Variants in CELF2 observed in about 807,000 individuals in gnomAD.
CELF2 encodes the protein CUG triplet repeat RNA-binding protein 2.
In CELF2, 8 loss-of-function variants were observed where a neutral mutation model predicts 62.6. The observed-to-expected ratio is 0.13, with a 90% confidence interval of 0.07 to 0.23. The LOEUF (loss-of-function observed/expected upper bound fraction) is 0.23, where lower values mean the gene tolerates loss of function less well. Ranked by LOEUF, CELF2 falls within the 10% of genes least tolerant of loss-of-function variation. The probability of loss-of-function intolerance (pLI) is 1.00; values close to 1 mark genes in which losing one functional copy is unlikely to be tolerated. For missense variants in CELF2, 333 were observed against 671.0 expected (o/e 0.50, Z 5.56); for synonymous variants, 258 against 250.0 (o/e 1.03, Z -0.30).
At chr10:10,753,998 C>G in the CELF2 span, among the ~76,000 whole-genome samples, 2 of 144,788 alleles carry the variant, frequency 1.4e-5, no homozygotes, top group Non-Finnish European at 3.0e-5. Context: ...AGACATGTTT[C>G]ATAGCTCTTA....
chr10:11,242,272 T>A lies in CELF2; in HGVS notation c.355-6881T>A, dbSNP rs2074161248. On this transcript the variant is annotated intron_variant, in intron 3 of 12. Coordinates refer to ENST00000633077, the MANE Select transcript of CELF2 (RefSeq NM_001326342.2). The surrounding 1 kb of genome is among the most constrained non-coding windows in gnomAD (Gnocchi z 4.8). Reference sequence around the variant, plus strand: ...TATTGAATCTCATGTTAAAGGTGGTTAACTCATCAATTGGTGATGGCTGGG... The same window carrying A: ...TATTGAATCTCATGTTAAAGGTGGTAAACTCATCAATTGGTGATGGCTGGG... Among the ~76,000 whole-genome samples the A allele has an allele frequency of 6.6e-6, 1 of 152,210 alleles. No homozygotes were observed. The highest frequency in any genetic ancestry group is 1.5e-5 in the Non-Finnish European group (1 of 68,036).
intron 1 of CELF2, among the ~76,000 whole-genome samples, chr10:10,805,669 G>C (rs2055147969): frequency 6.6e-6 from 1 of 152,130 alleles, no homozygotes; most frequent in South Asian, 2.1e-4. Context: ...CATTTTTGTT[G>C]AGTTTGTAAG....
At position 11,156,285 on chromosome 10, in the gene CELF2, T is replaced by C. The variant is rs2064366663; in HGVS notation, c.75-9201T>C. ...GACGGGATAACATGGCTCTTAATAG[T>C]GGCGACAGATCACATGACGTGTGAT... is the stretch of plus-strand genomic sequence containing the variant. On this transcript the variant is annotated intron_variant, in intron 1 of 12. Coordinates refer to ENST00000633077, the MANE Select transcript of CELF2 (RefSeq NM_001326342.2). This position sits in a 1 kb window ranked among gnomAD's most constrained non-coding sequence, Gnocchi z 4.3. Among the ~76,000 whole-genome samples the C allele has an allele frequency of 1.3e-5, 2 of 152,136 alleles. No homozygotes were observed. The highest frequency in any genetic ancestry group is 4.8e-5 in the African/African-American group (2 of 41,418).
chr10:11,100,665 T>C (rs574555576), intron 1 of CELF2, among the ~76,000 whole-genome samples: 22 of 152,268 alleles, frequency 1.4e-4, no homozygotes, highest in Admixed American at 7.8e-4. Context: ...AGTCCATGAA[T>C]GAAATAATGT....
intron 1 of CELF2, among the ~76,000 whole-genome samples, chr10:11,152,144 G>A (rs1488931182): frequency 6.6e-6 from 1 of 152,188 alleles, no homozygotes; most frequent in Non-Finnish European, 1.5e-5. Context: ...AAGTGGATGG[G>A]AGAGGACTTG....
rs899716449 is a variant in CELF2 at position 11,165,045 on chromosome 10, CG to C, written c.75-435del. ...AAACCTCCCAAAAAGGGCGGTGGGG[CG>C]GGGGGCGGGGCAGGGAGAGGGAGAG... On this transcript the variant is annotated intron_variant, in intron 1 of 12. Transcript: ENST00000633077. This position sits in a 1 kb window ranked among gnomAD's most constrained non-coding sequence, Gnocchi z 7.4. The C allele has an allele frequency of 6.2e-6, 6 of 974,446 alleles. No individual in the cohort carries two copies. Among genetic ancestry groups the C allele is most frequent in the Non-Finnish European group, 7.3e-6 (6 of 824,878 alleles). The allele number at this position is 974,446 out of a possible 1,614,324, so 60.4% of individuals were successfully genotyped here. A position where few individuals can be genotyped will look rare whatever the true frequency, so the allele number is the denominator to read the frequency against.
chr10:11,321,013 C>G lies in CELF2; in HGVS notation c.1097-176C>G. On this transcript the variant is annotated intron_variant, in intron 10 of 12. Coordinates refer to ENST00000633077, the MANE Select transcript of CELF2 (RefSeq NM_001326342.2). The surrounding 1 kb of genome is among the most constrained non-coding windows in gnomAD (Gnocchi z 6.2). ...GTTCTCATGGCTTAGGTCATTTTCC[C>G]CCATTATCACGATTTATTTCTTCAT... 1 of 1,352,786 alleles carries G rather than the reference C, an allele frequency of 7.4e-7. No homozygotes were observed. The highest frequency in any genetic ancestry group is 1.5e-5 in the African/African-American group (1 of 67,964). The allele number at this position is 1,352,786 out of a possible 1,614,324, so 83.8% of individuals were successfully genotyped here. A position where few individuals can be genotyped will look rare whatever the true frequency, so the allele number is the denominator to read the frequency against.
chr10:11,169,480 A>G (rs1216464799), intron 2 of CELF2, among the ~76,000 whole-genome samples: 1 of 152,240 alleles, frequency 6.6e-6, no homozygotes, highest in Admixed American at 6.5e-5. Flanking sequence ...TGCTTCAGGC[A>G]TGCAGGTGCG....
chr10:10,967,171 G>C (rs2050205493), intron 2 of CELF2, among the ~76,000 whole-genome samples: 1 of 152,172 alleles, frequency 6.6e-6, no homozygotes, highest in Non-Finnish European at 1.5e-5. Flanking sequence ...AACGTGGGAG[G>C]GAGGCACAGA....
At chr10:11,097,514 C>T (rs1202811903) in intron 1 of CELF2, 1 of 152,166 alleles carries the variant, frequency 6.6e-6, no homozygotes, top group African/African-American at 2.4e-5. Flanking sequence ...ATCTCTGCCT[C>T]GAGCCACTTG....
chr10:10,992,296 A>C lies in CELF2; in HGVS notation c.89+72297A>C, dbSNP rs568689959. On this transcript the variant is annotated intron_variant, in intron 2 of 13. Coordinates refer to the CELF2 transcript ENST00000636488. ...AATTGTGAGTTGGGCTCAAATCTCC[A>C]TGTGTGTTTGTTCTGGGACCCAGGT... 9.2e-5 allele frequency among the ~76,000 whole-genome samples: 14 copies of C among 152,330 alleles called. No homozygotes were observed. The South Asian group carries it at 2.9e-3, about 32-fold the overall frequency.
chr10:10,733,423 C>T, the CELF2 span, among the ~76,000 whole-genome samples: 24 of 151,820 alleles, frequency 1.6e-4, no homozygotes, highest in African/African-American at 5.3e-4. Context: ...GCAAGTGTGC[C>T]GGAGGAGGTA....
chr10:11,163,010 C>A (rs1472578079), intron 1 of CELF2, among the ~76,000 whole-genome samples: 1 of 152,176 alleles, frequency 6.6e-6, no homozygotes, highest in Non-Finnish European at 1.5e-5. Context: ...AAGCATGGCT[C>A]ATGGGATGAA....
At chr10:10,872,671 C>A (rs4141515) in intron 1 of CELF2, among the ~76,000 whole-genome samples, 44,764 of 150,434 alleles carry the variant, frequency 0.3, 8,031 homozygotes, top group East Asian at 0.73. Context: ...ACAACAACAA[C>A]AACAAAAAAC....
intron 2 of CELF2, among the ~76,000 whole-genome samples, chr10:11,180,567 T>G (rs997577981): frequency 3.9e-5 from 6 of 152,048 alleles, no homozygotes; most frequent in African/African-American, 1.2e-4. Flanking sequence ...GCTGACGCTA[T>G]CTCCCAGTGA....
At chr10:11,027,742 A>C (rs1206423296) in intron 1 of CELF2, among the ~76,000 whole-genome samples, 2 of 152,166 alleles carry the variant, frequency 1.3e-5, no homozygotes, top group African/African-American at 4.8e-5. Flanking sequence ...GTCCTTTGCC[A>C]CTGTCTTATG....
intron 1 of CELF2, among the ~76,000 whole-genome samples, chr10:10,841,159 A>G (rs938489134): frequency 6.6e-6 from 1 of 152,168 alleles, no homozygotes; most frequent in African/African-American, 2.4e-5. Flanking sequence ...ATACGTGTGC[A>G]TGTGTCTTTA....
chr10:10,713,597 C>G, the CELF2 span, among the ~76,000 whole-genome samples: 2 of 152,212 alleles, frequency 1.3e-5, no homozygotes, highest in African/African-American at 4.8e-5. Flanking sequence ...TTCAGGTGAA[C>G]TACTGTTTTG....
chr10:10,578,728 C>A, the CELF2 span, among the ~76,000 whole-genome samples: 3 of 152,174 alleles, frequency 2.0e-5, no homozygotes, highest in Admixed American at 2.0e-4. Flanking sequence ...CACTTTTCAA[C>A]AGGATGACTT....
Sources: gnomAD v4.1 joint callset for allele counts (sites outside exome capture counted in the v4.1 genomes callset) on GRCh38, gnomAD v4.1.1 for gene constraint, Gnocchi (gnomAD v3.1) non-coding constraint, MANE v1.5 for transcripts, NCBI Gene and HGNC (gene_info 2026-07-23, HGNC 2026-07-21) for gene names.